Variants in ADGRL2 observed in about 807,000 individuals in gnomAD.
The protein encoded by ADGRL2 is adhesion G protein-coupled receptor L2.
ADGRL2 carries 44 observed loss-of-function variants against 157.4 expected under a neutral mutation model. The ratio of observed to expected loss-of-function variants is 0.28; its 90% CI spans 0.22 to 0.36. The LOEUF is 0.36. Ranked by LOEUF, ADGRL2 falls within the 10% of genes least tolerant of loss-of-function variation. The pLI is 1.00. For synonymous variants in ADGRL2, 585 were observed against 624.7 expected (o/e 0.94, Z 0.95); for missense variants, 1,510 against 1,768.9 (o/e 0.85, Z 2.63).
chr1:81,457,186 T>A (rs1022763691), intron 2 of ADGRL2, among the ~76,000 whole-genome samples: 8 of 152,268 alleles, frequency 5.3e-5, no homozygotes, highest in Admixed American at 2.0e-4. Context: ...TTTCTTTTTT[T>A]CCTAAACCTT....
chr1:81,924,430 A>G (rs924023120), intron 3 of ADGRL2, among the ~76,000 whole-genome samples: 2 of 152,144 alleles, frequency 1.3e-5, no homozygotes, highest in African/African-American at 2.4e-5. Flanking sequence ...AAGATTCTCA[A>G]AGTCTACATA....
intron 1 of ADGRL2, among the ~76,000 whole-genome samples, chr1:81,734,061 G>C (rs892133490): frequency 6.6e-6 from 1 of 152,072 alleles, no homozygotes; most frequent in African/African-American, 2.4e-5. Context: ...TGAATCACCT[G>C]AGGTCGGGAG....
At chr1:81,427,140 C>A in intron 1 of ADGRL2, 1 of 1,300,120 alleles carries the variant, frequency 7.7e-7, no homozygotes, top group Non-Finnish European at 1.1e-6. Flanking sequence ...GGAGGTGGAT[C>A]CGGCAATTTT....
chr1:81,610,039 A>G (rs1386983347), intron 3 of ADGRL2, among the ~76,000 whole-genome samples: 1 of 152,106 alleles, frequency 6.6e-6, no homozygotes, highest in East Asian at 1.9e-4. Context: ...GTGGCCTTTC[A>G]CTGTCAGCTA....
At position 81,374,578 on chromosome 1, in the gene ADGRL2, G is replaced by GAAAAAAAACAAACAAA. The variant is rs1553158622; in HGVS notation, c.-302+68077_-302+68078insCAAACAAAAAAAAAAA. On this transcript the variant is annotated intron_variant, in intron 1 of 24. Coordinates refer to the ADGRL2 transcript ENST00000370721. ...CAGAGTGAGACTCCATCTCAAAAAA[G>GAAAAAAAACAAACAAA]AAAAAAAAAACAAGTTGCCTTGCTA... is the stretch of plus-strand genomic sequence containing the variant. Among the ~76,000 whole-genome samples the GAAAAAAAACAAACAAA allele has an allele frequency of 2.6e-3, 343 of 130,268 alleles. 7 individuals are homozygous for GAAAAAAAACAAACAAA. Among genetic ancestry groups the GAAAAAAAACAAACAAA allele is most frequent in the South Asian group, 0.023 (95 of 4,134 alleles). The allele number at this position is 130,268 out of a possible 152,430, so 85.5% of individuals were successfully genotyped here. A position where few individuals can be genotyped will look rare whatever the true frequency, so the allele number is the denominator to read the frequency against.
intron 1 of ADGRL2, among the ~76,000 whole-genome samples, chr1:81,735,797 A>G (rs909607119): frequency 4.0e-5 from 6 of 151,820 alleles, no homozygotes; most frequent in African/African-American, 1.5e-4. Flanking sequence ...CTCAAAAAAA[A>G]AAAGGTGTAA....
intron 1 of ADGRL2, chr1:81,306,606 G>A (rs1293623092): frequency 2.0e-5 from 3 of 152,062 alleles, no homozygotes; most frequent in Non-Finnish European, 1.5e-5. Flanking sequence ...GCTGGCATTA[G>A]GTACAAATAC....
At chr1:81,537,629 G>A (rs184946986) in intron 2 of ADGRL2, among the ~76,000 whole-genome samples, 1 of 151,866 alleles carries the variant, frequency 6.6e-6, no homozygotes, top group African/African-American at 2.4e-5. Flanking sequence ...TTTACTAAAA[G>A]TACTGCTATT....
chr1:81,793,719 G>A (rs116207160), intron 2 of ADGRL2, among the ~76,000 whole-genome samples: 1,883 of 151,232 alleles, frequency 0.012, 47 homozygotes, highest in African/African-American at 0.044. Flanking sequence ...GCAAATAGGC[G>A]AGCATTATCA....
chr1:81,516,098 A>G (rs771117310), intron 2 of ADGRL2, among the ~76,000 whole-genome samples: 1 of 152,248 alleles, frequency 6.6e-6, no homozygotes, highest in Non-Finnish European at 1.5e-5. Context: ...AATACTTGAA[A>G]ATAAGATCTT....
chr1:81,826,261 C>T (rs1440123192), intron 1 of ADGRL2, among the ~76,000 whole-genome samples: 2 of 152,100 alleles, frequency 1.3e-5, no homozygotes, highest in Admixed American at 1.3e-4. Context: ...TAATGCATTT[C>T]TTTGTTATTA....
chr1:81,341,398 A>G (rs563438494), intron 1 of ADGRL2, among the ~76,000 whole-genome samples: 2 of 152,252 alleles, frequency 1.3e-5, no homozygotes, highest in Admixed American at 1.3e-4. Context: ...AGGGCAGACA[A>G]AACAAAAATG....
chr1:81,825,755 T>A (rs1408768860), intron 1 of ADGRL2, among the ~76,000 whole-genome samples: 1 of 136,294 alleles, frequency 7.3e-6, no homozygotes, highest in Non-Finnish European at 1.7e-5. Context: ...GAAACATTTC[T>A]GAGATCAACC....
intron 2 of ADGRL2, among the ~76,000 whole-genome samples, chr1:81,860,446 G>A (rs2093354023): frequency 6.6e-6 from 1 of 151,974 alleles, no homozygotes; most frequent in South Asian, 2.1e-4. Flanking sequence ...CAAAGTGCTG[G>A]GATTCTAAGT....
chr1:81,629,667 A>ATG (rs60497907), intron 3 of ADGRL2, among the ~76,000 whole-genome samples: 31,309 of 148,902 alleles, frequency 0.21, 3,155 homozygotes, highest in East Asian at 0.25. Flanking sequence ...ATGAATGTAT[A>ATG]TGTGTGTGTG....
intron 2 of ADGRL2, among the ~76,000 whole-genome samples, chr1:81,859,615 C>T (rs2093326017): frequency 6.6e-6 from 1 of 151,924 alleles, no homozygotes; most frequent in African/African-American, 2.4e-5. Flanking sequence ...GCCATGTTTC[C>T]CAGGCTAGGC....
chr1:81,316,136 AAAAAAAG>A (rs1291897141), intron 1 of ADGRL2, among the ~76,000 whole-genome samples: 6 of 133,110 alleles, frequency 4.5e-5, no homozygotes, highest in African/African-American at 1.6e-4. Flanking sequence ...AAAACAAAAA[AAAAAAAG>A]AAAAAAGAAG....
intron 1 of ADGRL2, among the ~76,000 whole-genome samples, chr1:81,432,615 G>C (rs1433425127): frequency 2.0e-5 from 3 of 152,126 alleles, no homozygotes; most frequent in African/African-American, 7.2e-5. Flanking sequence ...GTTTGTGATT[G>C]GGTCTATGAA....
In ADGRL2 at chr1:81,320,436, A is replaced by G. The variant is rs113547930; in HGVS notation, c.-302+13927A>G. Among the ~76,000 whole-genome samples, 378 of 152,320 alleles carry G rather than the reference A, an allele frequency of 2.5e-3. 2 individuals are homozygous for G. The highest frequency in any genetic ancestry group is 8.6e-3 in the African/African-American group (358 of 41,564). ...AAAAGGTTTTCAAATTAATTTGCTCAGACTCCCTCAGAAGAATCTCTATCT... is the reference window on the plus strand; with the variant it reads ...AAAAGGTTTTCAAATTAATTTGCTCGGACTCCCTCAGAAGAATCTCTATCT... On this transcript the variant is annotated intron_variant, in intron 1 of 24. Transcript: ENST00000370721.
Sources: gnomAD v4.1 joint callset for allele counts (sites outside exome capture counted in the v4.1 genomes callset) on GRCh38, gnomAD v4.1.1 for gene constraint, MANE v1.5 for transcripts, NCBI Gene and HGNC (gene_info 2026-07-23, HGNC 2026-07-21) for gene names.